The following REEP5 variants were observed in gnomAD, a reference collection of about 807,000 sequenced individuals.
The protein encoded by REEP5 is receptor accessory protein 5.
Under a neutral mutation model 22.4 loss-of-function variants are expected in REEP5, and 24 were observed. The observed-to-expected ratio is 1.07, with a 90% CI of 0.78 to 1.51. The LOEUF is 1.51. REEP5 is among the 40% of genes most tolerant of loss of function. REEP5 has a pLI of 0.00. For synonymous variants in REEP5, 103 were observed against 88.6 expected (o/e 1.16, Z -0.92); for missense variants, 252 against 233.0 (o/e 1.08, Z -0.53).
intron 2 of REEP5, among the ~76,000 whole-genome samples, chr5:112,920,278 A>G (rs888707671): frequency 6.6e-6 from 1 of 152,250 alleles, no homozygotes; most frequent in African/African-American, 2.4e-5. Flanking sequence ...AAGCTGTAAT[A>G]ATGTGTTATC....
At chr5:112,880,492 T>C (rs456531) in intron 4 of REEP5, among the ~76,000 whole-genome samples, 85,463 of 152,056 alleles carry the variant, frequency 0.56, 26,473 homozygotes, top group African/African-American at 0.84. Flanking sequence ...AGCTGCCTGA[T>C]AGTTGCTCTC....
At position 112,893,031 on chromosome 5, in the gene REEP5, G is replaced by A. The variant is rs539295887; in HGVS notation, c.352-5848C>T. On this transcript the variant is annotated intron_variant, in intron 3 of 4. Coordinates refer to ENST00000379638, the MANE Select transcript of REEP5 (RefSeq NM_005669.5). ...CTAGGTGCCGAAGTCGTGGGAGGAG[G>A]AAGTCGGGTAATAGAGACAGAACTG... The A allele has an allele frequency of 4.0e-6, 6 of 1,504,088 alleles. No individual in the cohort carries two copies. The African/African-American group carries it at 7.0e-5, about 18-fold the overall frequency. 93.2% of individuals were successfully genotyped at this position (1,504,088 alleles called of 1,614,324 possible).
chr5:112,899,261 G>A (rs868037545), intron 3 of REEP5, among the ~76,000 whole-genome samples: 2 of 110,250 alleles, frequency 1.8e-5, no homozygotes, highest in South Asian at 2.5e-4. Context: ...TTTGGTTTTC[G>A]GTTTTTTTTT....
At chr5:112,881,485 C>A (rs140554922) in intron 4 of REEP5, among the ~76,000 whole-genome samples, 2 of 152,338 alleles carry the variant, frequency 1.3e-5, no homozygotes, top group Non-Finnish European at 2.9e-5. Flanking sequence ...ATCCATTCCT[C>A]CGAATGTTTC....
intron 2 of REEP5, among the ~76,000 whole-genome samples, chr5:112,908,650 C>T (rs1769021544): frequency 6.6e-6 from 1 of 152,048 alleles, no homozygotes; most frequent in Non-Finnish European, 1.5e-5. Context: ...CTCAACCTCC[C>T]AAGTAGCTGG....
rs6882720 is a variant in REEP5, at chr5:112,918,636, T to C, written c.212+2527A>G. 4.3e-3 allele frequency among the ~76,000 whole-genome samples: 654 copies of C among 152,184 alleles called. 7 individuals are homozygous for C. Among genetic ancestry groups the C allele is most frequent in the African/African-American group, 0.015 (635 of 41,516 alleles). On this transcript the variant is annotated intron_variant, in intron 2 of 4. Coordinates refer to ENST00000379638, the MANE Select transcript of REEP5 (RefSeq NM_005669.5). ...AGCCAAAGTGACCTTAAAATATAAATCGTATCATGTCACCCCCTATTTAAA... is the reference window on the plus strand; with the variant it reads ...AGCCAAAGTGACCTTAAAATATAAACCGTATCATGTCACCCCCTATTTAAA...
rs563983927 is a variant in REEP5 at position 112,876,832 on chromosome 5, A to G, written c.*1954T>C. The G allele has an allele frequency of 3.5e-4, 53 of 152,300 alleles. No individual in the cohort carries two copies. Among genetic ancestry groups the G allele is most frequent in the African/African-American group, 1.3e-3 (53 of 41,570 alleles). The allele number at this position is 152,300 out of a possible 1,614,324, so 9.4% of individuals were successfully genotyped here. ...AAATTTTGGTCTCAAGGGAACAAAA[A>G]AAAATTGCATTCAGAATTTAATATA... is the stretch of plus-strand genomic sequence containing the variant. On this transcript the variant is annotated 3_prime_UTR_variant, in exon 5 of 5. Coordinates refer to ENST00000379638, the MANE Select transcript of REEP5 (RefSeq NM_005669.5).
chr5:112,922,148 C>T lies in REEP5; in HGVS notation c.43G>A (p.Glu15Lys). 6.2e-7 allele frequency: 1 copy of T among 1,608,082 alleles called. No individual in the cohort carries two copies. The highest frequency in any genetic ancestry group is 8.5e-7 in the Non-Finnish European group (1 of 1,177,354). The change falls in exon 1 of 5, where the codon GAG becomes AAG. Residue 15 changes from glutamate (E) to lysine (K), a missense_variant. Transcript: ENST00000379638. ...MRERFDRFLH[E>K]KNCMTDLLAK... ...AGAAGGTCAGTCATGCAGTTCTTCT[C>T]GTGCAGGAACCGGTCGAACCTCTCC...
At position 112,888,409 on chromosome 5, in the gene REEP5, C is replaced by G. The variant is rs115587922; in HGVS notation, c.352-1226G>C. Among the ~76,000 whole-genome samples the G allele has an allele frequency of 3.6e-3, 550 of 152,176 alleles. 2 individuals are homozygous for G. The highest frequency in any genetic ancestry group is 0.012 in the African/African-American group (497 of 41,530). On this transcript the variant is annotated intron_variant, in intron 3 of 4. Transcript: ENST00000379638. The stretch of plus-strand genomic sequence containing the variant: ...TAACACTCAAAATAAAAAACAAAAC[C>G]CAAGTTCTCAACAATATCTCCAGAT...
In REEP5 at chr5:112,922,101, G is replaced by A. The variant is rs371899262; in HGVS notation, c.90C>T (p.Thr30=). 26 of 1,604,804 alleles carry A rather than the reference G, an allele frequency of 1.6e-5. No individual in the cohort carries two copies. Among genetic ancestry groups the A allele is most frequent in the African/African-American group, 1.4e-4 (10 of 73,938 alleles). Residue 30 remains threonine (T), a synonymous_variant, in exon 1 of 5, where the codon ACC becomes ACT. Coordinates refer to ENST00000379638, the MANE Select transcript of REEP5 (RefSeq NM_005669.5). ...GAGCGATGAAGCTCCTGTTCACGCC[G>A]GTTTTGGCCTCGAGCTTGGCCAGAA... The part of the protein sequence containing the change: ...TDLLAKLEAK[T]GVNRSFIALG...
intron 3 of REEP5, chr5:112,893,508 A>G (rs1768571341): frequency 6.4e-6 from 1 of 155,680 alleles, no homozygotes; most frequent in Non-Finnish European, 1.4e-5. Context: ...CCATGTTATG[A>G]TTTTAAGCCA....
At chr5:112,921,960 C>T (rs1769382857) in intron 1 of REEP5, 113 bp downstream of exon 1, 4 of 1,313,672 alleles carry the variant, frequency 3.0e-6, no homozygotes, top group Non-Finnish European at 4.0e-6. Flanking sequence ...CTGCTTGTCC[C>T]GTCTGTCTCC....
chr5:112,898,237 G>A (rs1259394675), intron 3 of REEP5: 1 of 152,194 alleles, frequency 6.6e-6, no homozygotes, highest in African/African-American at 2.4e-5. Context: ...TTCTCAGTCT[G>A]TTCACTAGGT....
chr5:112,902,413 G>C lies in REEP5; in HGVS notation c.318C>G (p.Phe106Leu). The change falls in exon 3 of 5, where the codon TTC becomes TTG. Residue 106 changes from phenylalanine (F) to leucine (L), a missense_variant. By Grantham distance (22) the Phe-to-Leu change is conservative. Coordinates refer to ENST00000379638, the MANE Select transcript of REEP5 (RefSeq NM_005669.5). ...TGTAGTAGAAGGGGAACCATGACAGGAAGATATCAGAGAAGAATTCAGCAA... is the reference window on the plus strand; with the variant it reads ...TGTAGTAGAAGGGGAACCATGACAGCAAGATATCAGAGAAGAATTCAGCAA... ...FSIAEFFSDI[F>L]LSWFPFYYML... 6.2e-7 allele frequency: 1 copy of C among 1,612,958 alleles called. No individual in the cohort carries two copies. Among genetic ancestry groups the C allele is most frequent in the Non-Finnish European group, 8.5e-7 (1 of 1,179,672 alleles).
chr5:112,897,184 A>G (rs1768709714), intron 3 of REEP5: 1 of 146,720 alleles, frequency 6.8e-6, no homozygotes, highest in African/African-American at 2.5e-5. Context: ...TAAGCCACAC[A>G]TATGTTAAGA....
chr5:112,878,717 G>A lies in REEP5; in HGVS notation c.*69C>T. 6.3e-7 allele frequency: 1 copy of A among 1,583,066 alleles called. No homozygotes were observed. The highest frequency in any genetic ancestry group is 2.2e-5 in the East Asian group (1 of 44,682). ...ACATTATTAAAATAATTATACCACA[G>A]TCCCTAATATAACATCAAGCTCCAG... On this transcript the variant is annotated 3_prime_UTR_variant, in exon 5 of 5. Coordinates refer to ENST00000379638, the MANE Select transcript of REEP5 (RefSeq NM_005669.5).
At chr5:112,890,256 A>T (rs905006184) in intron 3 of REEP5, among the ~76,000 whole-genome samples, 1 of 150,610 alleles carries the variant, frequency 6.6e-6, no homozygotes, top group Non-Finnish European at 1.5e-5. Context: ...CATCACTGCA[A>T]TCCAGGCTTG....
Position 112,922,113 on chromosome 5 carries a change from G to C in REEP5, c.78C>G (p.Leu26=), listed in dbSNP as rs761706701. ...TCCTGTTCACGCCGGTTTTGGCCTCGAGCTTGGCCAGAAGGTCAGTCATGC... is the reference window on the plus strand; with the variant it reads ...TCCTGTTCACGCCGGTTTTGGCCTCCAGCTTGGCCAGAAGGTCAGTCATGC... ...KNCMTDLLAK[L]EAKTGVNRSF... Residue 26 remains leucine, a synonymous_variant, in exon 1 of 5, where the codon CTC becomes CTG. Transcript: ENST00000379638. 1.2e-6 allele frequency: 2 copies of C among 1,604,930 alleles called. No homozygotes were observed. The highest frequency in any genetic ancestry group is 1.7e-6 in the Non-Finnish European group (2 of 1,176,020).
At chr5:112,907,242 G>T (rs1336484729) in intron 2 of REEP5, among the ~76,000 whole-genome samples, 1 of 152,104 alleles carries the variant, frequency 6.6e-6, no homozygotes, top group African/African-American at 2.4e-5. Flanking sequence ...CTCTTTTACA[G>T]GCTCCTCTGT....
Sources: gnomAD v4.1 joint callset for allele counts (sites outside exome capture counted in the v4.1 genomes callset) on GRCh38, gnomAD v4.1.1 for gene constraint, MANE v1.5 for transcripts, NCBI Gene and HGNC (gene_info 2026-07-23, HGNC 2026-07-21) for gene names.